Variants in TNS1 observed in about 807,000 individuals in gnomAD.
TNS1 encodes the protein tensin 1, also known as tensin-1.
In TNS1, 62 loss-of-function variants were observed where a neutral mutation model predicts 168.6. The ratio of observed to expected loss-of-function variants is 0.37; its 90% confidence interval spans 0.30 to 0.45. The LOEUF is 0.45. Ranked by LOEUF, TNS1 falls within the 20% of genes least tolerant of loss-of-function variation. TNS1 has a pLI of 1.00. For missense variants in TNS1, 2,240 were observed against 2,339.4 expected, an observed-to-expected ratio of 0.96 and a Z score of 0.88; for synonymous variants, 934 against 933.2, an observed-to-expected ratio of 1.00 and a Z score of -0.02.
intron 1 of TNS1, among the ~76,000 whole-genome samples, chr2:217,993,773 C>A (rs1241007521): frequency 2.6e-5 from 4 of 152,190 alleles, no homozygotes; most frequent in Admixed American, 2.6e-4. Flanking sequence ...TGTCAATTTC[C>A]TGATTTTGAT....
chr2:217,905,903 G>A (rs1953624640), intron 6 of TNS1, among the ~76,000 whole-genome samples: 1 of 152,228 alleles, frequency 6.6e-6, no homozygotes. Context: ...AAGCCACACA[G>A]TGGAGCTTGC....
chr2:217,820,323 T>C (rs756286749), intron 23 of TNS1, among the ~76,000 whole-genome samples: 1 of 152,102 alleles, frequency 6.6e-6, no homozygotes, highest in African/African-American at 2.4e-5. Context: ...CTTAGGAAAA[T>C]CCCCTTTCCT....
upstream of TNS1, among the ~76,000 whole-genome samples, chr2:218,004,917 C>G (rs1009285992): frequency 6.6e-6 from 1 of 152,246 alleles, no homozygotes; most frequent in African/African-American, 2.4e-5. Flanking sequence ...GCCCTGCAGT[C>G]ACAGCTGGGG....
Position 217,803,466 on chromosome 2 carries a change from C to T in TNS1, c.*993G>A, listed in dbSNP as rs1274174436. ...ACTTGCCTTTCTTGCTGCTGAGCCA[C>T]ATGCCTTGGGGAAGACACCCCGAGC... On this transcript the variant is annotated 3_prime_UTR_variant, in exon 33 of 33. Coordinates refer to ENST00000682258, the MANE Select transcript of TNS1 (RefSeq NM_001387777.1). 6.6e-6 allele frequency: 1 copy of T among 152,408 alleles called. No individual in the cohort carries two copies. Among genetic ancestry groups the T allele is most frequent in the South Asian group, 2.1e-4 (1 of 4,828 alleles). 9.4% of individuals were successfully genotyped at this position (152,408 alleles called of 1,614,324 possible). A position where few individuals can be genotyped will look rare whatever the true frequency, so the allele number is the denominator to read the frequency against.
rs527999825 is a variant in TNS1 at position 217,959,588 on chromosome 2, C to T, written c.186+19177G>A. On this transcript the variant is annotated intron_variant, in intron 3 of 32. Coordinates refer to ENST00000682258, the MANE Select transcript of TNS1 (RefSeq NM_001387777.1). The stretch of plus-strand genomic sequence containing the variant: ...TAGCATGGAACCCTAGCCTGGAACC[C>T]GGTGCCTTAGCATGGAATCTTAGCA... Among the ~76,000 whole-genome samples the T allele has an allele frequency of 4.6e-5, 7 of 150,906 alleles. No homozygotes were observed. The South Asian group carries it at 1.5e-3, about 32-fold the overall frequency.
At chr2:217,906,416 G>A (rs748666972) in intron 5 of TNS1, 31 bp from the exon 6 acceptor site, 21 of 702,824 alleles carry the variant, frequency 3.0e-5, no homozygotes, top group South Asian at 1.2e-4. Context: ...GTCAGAGAGG[G>A]GAGGCAAGAA....
intron 3 of TNS1, among the ~76,000 whole-genome samples, chr2:217,922,976 C>G (rs1320446792): frequency 6.6e-6 from 1 of 152,136 alleles, no homozygotes; most frequent in East Asian, 1.9e-4. Flanking sequence ...TTAAAAGGCT[C>G]TCGCCTTCTC....
intron 20 of TNS1, among the ~76,000 whole-genome samples, chr2:217,835,497 A>G (rs1945042469): frequency 6.6e-6 from 1 of 152,196 alleles, no homozygotes. Flanking sequence ...ATCCAGATCT[A>G]CTACCCTGAA....
At chr2:217,815,039 G>C (rs367829987) in intron 24 of TNS1, 41 bp from the exon 25 acceptor site, 20 of 1,520,186 alleles carry the variant, frequency 1.3e-5, no homozygotes, top group East Asian at 9.1e-5. Flanking sequence ...GGGTTAAATT[G>C]TGTTCACCCA....
rs897329975 is a variant in TNS1, at chr2:217,803,566, G to C, written c.*893C>G. On this transcript the variant is annotated 3_prime_UTR_variant, in exon 33 of 33. Coordinates refer to ENST00000682258, the MANE Select transcript of TNS1 (RefSeq NM_001387777.1). ...CTACCTCCTCAAACCAAAGCTCCAG[G>C]CTTCTGGCCAAGGCAGGACAGGGCG... 2 of 152,670 alleles carry C rather than the reference G, an allele frequency of 1.3e-5. No homozygotes were observed. The highest frequency in any genetic ancestry group is 2.9e-5 in the Non-Finnish European group (2 of 68,088). 9.5% of individuals were successfully genotyped at this position (152,670 alleles called of 1,614,324 possible).
intron 18 of TNS1, among the ~76,000 whole-genome samples, chr2:217,862,237 A>T (rs1475460162): frequency 2.0e-5 from 3 of 152,220 alleles, no homozygotes; most frequent in African/African-American, 7.2e-5. Context: ...CTGGTTCAAA[A>T]AAGAATACAC....
rs1957163393 is a variant in TNS1, at chr2:217,948,314, CTT to C, written c.187-28080_187-28079del. Among the ~76,000 whole-genome samples the C allele has an allele frequency of 6.6e-6, 1 of 152,204 alleles. No individual in the cohort carries two copies. The highest frequency in any genetic ancestry group is 2.1e-4 in the South Asian group (1 of 4,824). On this transcript the variant is annotated intron_variant, in intron 3 of 32. Coordinates refer to ENST00000682258, the MANE Select transcript of TNS1 (RefSeq NM_001387777.1). This position sits in a 1 kb window ranked among gnomAD's most constrained non-coding sequence, Gnocchi z 4.1. ...CTCTAGCACCCTGGGCCCTCACTCTCTTCTTCCCCCTCCATCACAGAGAAGGA... is the reference window on the plus strand; with the variant it reads ...CTCTAGCACCCTGGGCCCTCACTCTCCTTCCCCCTCCATCACAGAGAAGGA...
chr2:217,863,432 A>G (rs1948978568), intron 18 of TNS1, among the ~76,000 whole-genome samples: 1 of 152,162 alleles, frequency 6.6e-6, no homozygotes, highest in South Asian at 2.1e-4. Flanking sequence ...TACAATACAC[A>G]GGACAGACCC....
intron 1 of TNS1, among the ~76,000 whole-genome samples, chr2:218,027,529 T>A (rs1439377455): frequency 6.6e-6 from 1 of 152,032 alleles, no homozygotes; most frequent in Non-Finnish European, 1.5e-5. Flanking sequence ...TCGCCTCCTC[T>A]GGGAGGGCTT....
chr2:217,830,696 C>T (rs929341730), intron 22 of TNS1, among the ~76,000 whole-genome samples: 3 of 152,260 alleles, frequency 2.0e-5, no homozygotes, highest in African/African-American at 7.2e-5. Flanking sequence ...TCCTTCCTTC[C>T]TCAGAGCTTG....
At chr2:218,005,460 A>G (rs1440205377), upstream of TNS1, among the ~76,000 whole-genome samples, 1 of 152,194 alleles carries the variant, frequency 6.6e-6, no homozygotes, top group Non-Finnish European at 1.5e-5. Flanking sequence ...TCTCCTGTAT[A>G]TTAATCGCTT....
chr2:217,845,144 CA>C (rs1268241304), intron 19 of TNS1, among the ~76,000 whole-genome samples: 1 of 152,118 alleles, frequency 6.6e-6, no homozygotes, highest in African/African-American at 2.4e-5. Flanking sequence ...TGGAATAAAC[CA>C]GGGACTTGAG....
chr2:218,002,971 G>C lies in TNS1; in HGVS notation c.-99C>G, dbSNP rs560380065. 1.2e-4 allele frequency: 53 copies of C among 454,710 alleles called. No individual in the cohort carries two copies. Among genetic ancestry groups the C allele is most frequent in the African/African-American group, 9.2e-4 (46 of 50,084 alleles). 28.2% of individuals were successfully genotyped at this position (454,710 alleles called of 1,614,324 possible). A position where few individuals can be genotyped will look rare whatever the true frequency, so the allele number is the denominator to read the frequency against. On this transcript the variant is annotated 5_prime_UTR_variant, in exon 1 of 33. Transcript: ENST00000682258. ...TGGCAGAAGGGCTCTCTGAGTCCGC[G>C]GCTGCTCCGGCTCCGCCAGCATCTG...
At chr2:217,924,881 G>A (rs915950442) in intron 3 of TNS1, among the ~76,000 whole-genome samples, 2 of 152,126 alleles carry the variant, frequency 1.3e-5, no homozygotes, top group Admixed American at 1.3e-4. Context: ...ATGCAGTGGT[G>A]GCCCACTGAG....
Sources: allele counts gnomAD v4.1 joint callset (sites outside exome capture counted in the v4.1 genomes callset), GRCh38; gene constraint gnomAD v4.1.1; non-coding constraint Gnocchi (gnomAD v3.1); transcripts MANE v1.5; gene names NCBI Gene and HGNC (gene_info 2026-07-23, HGNC 2026-07-21).